The following KDR variants were observed in gnomAD, a reference collection of about 807,000 sequenced individuals.
The protein encoded by KDR is vascular endothelial growth factor receptor 2.
In KDR, 43 loss-of-function variants were observed where a neutral mutation model predicts 160.9. The observed-to-expected ratio is 0.27, with a 90% confidence interval of 0.21 to 0.34. The LOEUF (loss-of-function observed/expected upper bound fraction) is 0.34. Ranked by LOEUF, KDR falls within the 10% of genes least tolerant of loss-of-function variation. The pLI is 1.00. For synonymous variants in KDR, 617 were observed against 600.1 expected (o/e 1.03, Z -0.41); for missense variants, 1,469 against 1,666.4 (o/e 0.88, Z 2.06).
chr4:55,116,297 A>C (rs1322235068), intron 3 of KDR, among the ~76,000 whole-genome samples: 2 of 151,996 alleles, frequency 1.3e-5, no homozygotes, highest in Non-Finnish European at 2.9e-5. Context: ...ACGCACCTGT[A>C]GTCCCAGCTA....
At chr4:55,111,711 G>A (rs1332767326) in intron 7 of KDR, among the ~76,000 whole-genome samples, 1 of 152,204 alleles carries the variant, frequency 6.6e-6, no homozygotes, top group Non-Finnish European at 1.5e-5. Context: ...CTTGGCAAGT[G>A]AAATAATTTA....
intron 6 of KDR, 94 bp downstream of exon 6, chr4:55,114,028 ATTTT>A: frequency 7.8e-7 from 1 of 1,282,832 alleles, no homozygotes; most frequent in Non-Finnish European, 1.1e-6. Flanking sequence ...AGGCTCTTAC[ATTTT>A]ATCTGGCCAA....
intron 11 of KDR, among the ~76,000 whole-genome samples, chr4:55,106,229 G>A (rs138080643): frequency 2.6e-5 from 4 of 152,118 alleles, no homozygotes; most frequent in East Asian, 3.9e-4. Context: ...ATGCTCCAAC[G>A]AGCGTTTCCT....
intron 22 of KDR, chr4:55,092,340 C>T: frequency 2.2e-6 from 1 of 449,248 alleles, no homozygotes; most frequent in South Asian, 2.1e-5. Flanking sequence ...AGGTGAAGAG[C>T]TTTGCCTGAT....
At position 55,078,917 on chromosome 4, in the gene KDR, T is replaced by A; in HGVS notation, c.*1024A>T. 1 of 233,264 alleles carries A rather than the reference T, an allele frequency of 4.3e-6. No homozygotes were observed. The highest frequency in any genetic ancestry group is 8.5e-6 in the Non-Finnish European group (1 of 118,058). 14.4% of individuals were successfully genotyped at this position (233,264 alleles called of 1,614,324 possible). On this transcript the variant is annotated 3_prime_UTR_variant, in exon 30 of 30. Coordinates refer to ENST00000263923, the MANE Select transcript of KDR (RefSeq NM_002253.4). ...CCAAATAACTAAAATACTGATGGGT[T>A]GCGGGGTGAGAGTGGGTTGGGGACA... is the stretch of plus-strand genomic sequence containing the variant.
chr4:55,116,077 A>T (rs562041275), intron 3 of KDR, among the ~76,000 whole-genome samples: 1 of 152,312 alleles, frequency 6.6e-6, no homozygotes, highest in South Asian at 2.1e-4. Flanking sequence ...GATATCTTCA[A>T]TGACAAACAT....
chr4:55,082,236 G>A (rs1483771414), intron 28 of KDR, among the ~76,000 whole-genome samples, 195 bp from the exon 29 acceptor site: 1 of 152,162 alleles, frequency 6.6e-6, no homozygotes, highest in Admixed American at 6.5e-5. Flanking sequence ...CACAGGCCAG[G>A]GAGAAGAGAA....
chr4:55,102,637 A>C, intron 13 of KDR, 129 bp from the exon 14 acceptor site: 1 of 921,404 alleles, frequency 1.1e-6, no homozygotes, highest in Non-Finnish European at 1.7e-6. Context: ...TTCTGGGAAA[A>C]TACACTGGTC....
chr4:55,087,098 A>G (rs544221684), intron 27 of KDR, among the ~76,000 whole-genome samples: 107 of 152,312 alleles, frequency 7.0e-4, no homozygotes, highest in Non-Finnish European at 1.5e-5. Context: ...TGCAAATAAA[A>G]TGCTGAAAAT....
In KDR at chr4:55,102,880, C is replaced by T. The variant is rs987802553; in HGVS notation, c.1988-372G>A. 5.3e-5 allele frequency among the ~76,000 whole-genome samples: 8 copies of T among 152,228 alleles called. No individual in the cohort carries two copies. The East Asian group carries it at 1.5e-3, about 29-fold the overall frequency. On this transcript the variant is annotated intron_variant, in intron 13 of 29. Coordinates refer to ENST00000263923, the MANE Select transcript of KDR (RefSeq NM_002253.4). ...TCCCTTCAAATTTCTCTTGGAAGTG[C>T]CAAATTTTAGTATCATTCAACCAAT...
intron 29 of KDR, among the ~76,000 whole-genome samples, chr4:55,081,442 T>C (rs551436546): frequency 2.0e-5 from 3 of 152,286 alleles, no homozygotes; most frequent in South Asian, 4.1e-4. Context: ...TACTGAGCCA[T>C]AGAAGGGAGA....
chr4:55,087,470 T>C (rs959836154), intron 27 of KDR, 137 bp downstream of exon 27: 2 of 748,294 alleles, frequency 2.7e-6, no homozygotes, highest in Non-Finnish European at 2.2e-6. Flanking sequence ...TTCCCCATTA[T>C]GTTAACCTCA....
intron 6 of KDR, among the ~76,000 whole-genome samples, 159 bp downstream of exon 6, chr4:55,113,967 T>TTG (rs758524538): frequency 5.7e-4 from 86 of 152,008 alleles, no homozygotes; most frequent in Non-Finnish European, 8.7e-4. Context: ...TTCCCTTAAA[T>TTG]TGTGTGTGTG....
chr4:55,089,550 T>A, intron 24 of KDR, 77 bp from the exon 25 acceptor site: 3 of 1,345,672 alleles, frequency 2.2e-6, no homozygotes, highest in South Asian at 2.3e-5. Flanking sequence ...ATCTTGCACA[T>A]CCTCATCACC....
At chr4:55,084,836 T>C (rs1430440486) in intron 27 of KDR, among the ~76,000 whole-genome samples, 1 of 152,192 alleles carries the variant, frequency 6.6e-6, no homozygotes, top group Non-Finnish European at 1.5e-5. Flanking sequence ...TTGTCATGCA[T>C]GCACTGATCA....
Position 55,107,745 on chromosome 4 carries a change from G to C in KDR, c.1404C>G (p.Asn468Lys), listed in dbSNP as rs141384787. The change falls in exon 10 of 30, where the codon AAC (asparagine) becomes AAG (lysine). Residue 468 changes from asparagine (N) to lysine (K), a missense_variant. By Grantham distance (94) the Asn-to-Lys change is moderately conservative. This residue lies in a region of KDR where 792 missense variants were observed against 840.9 expected (regional missense o/e 0.94). Coordinates refer to ENST00000263923, the MANE Select transcript of KDR (RefSeq NM_002253.4). Reference sequence around the variant, plus strand: ...CATGTGGCCTTACTCACCTGGGCTCGTTGGCGCACTCTTCCTCCAACTGCC... The same window carrying C: ...CATGTGGCCTTACTCACCTGGGCTCCTTGGCGCACTCTTCCTCCAACTGCC... ...WYWQLEEECA[N>K]EPSQAVSVTN... 6.2e-7 allele frequency: 1 copy of C among 1,613,776 alleles called. No individual in the cohort carries two copies. Among genetic ancestry groups the C allele is most frequent in the African/African-American group, 1.3e-5 (1 of 74,888 alleles).
rs139243978 is a variant in KDR, at chr4:55,092,550, C to T, written c.3069+67G>A. The T allele has an allele frequency of 3.3e-5, 37 of 1,112,642 alleles. No homozygotes were observed. The African/African-American group carries it at 4.9e-4, about 15-fold the overall frequency. 68.9% of individuals were successfully genotyped at this position (1,112,642 alleles called of 1,614,324 possible). A position where few individuals can be genotyped will look rare whatever the true frequency, so the allele number is the denominator to read the frequency against. The stretch of plus-strand genomic sequence containing the variant: ...ATCCCAAACAAGCACCAATGGCTGA[C>T]ACTGGACATCTTATTTCCAAACCTG... On this transcript the variant is annotated intron_variant, in intron 22 of 29. Coordinates refer to ENST00000263923, the MANE Select transcript of KDR (RefSeq NM_002253.4).
At position 55,121,194 on chromosome 4, in the gene KDR, G is replaced by A; in HGVS notation, c.68-4C>T. On this transcript the variant is annotated splice_region_variant and splice_polypyrimidine_tract_variant and intron_variant, in intron 1 of 29. Transcript: ENST00000263923. Reference sequence around the variant, plus strand: ...TCAAGAGAAACACTAGGCAAACCTAGAAACAAATTAAATAAATGAATGTAG... The same window carrying A: ...TCAAGAGAAACACTAGGCAAACCTAAAAACAAATTAAATAAATGAATGTAG... 6.2e-7 allele frequency: 1 copy of A among 1,608,070 alleles called. No homozygotes were observed. The highest frequency in any genetic ancestry group is 8.5e-7 in the Non-Finnish European group (1 of 1,174,696).
intron 28 of KDR, among the ~76,000 whole-genome samples, 196 bp from the exon 29 acceptor site, chr4:55,082,237 G>A (rs745323793): frequency 2.6e-5 from 4 of 152,296 alleles, no homozygotes; most frequent in Non-Finnish European, 5.9e-5. Flanking sequence ...ACAGGCCAGG[G>A]AGAAGAGAAA....
Sources: allele counts gnomAD v4.1 joint callset (sites outside exome capture counted in the v4.1 genomes callset), GRCh38; gene constraint gnomAD v4.1.1; regional missense constraint gnomAD v4.1.1; transcripts MANE v1.5; gene names NCBI Gene and HGNC (gene_info 2026-07-23, HGNC 2026-07-21).